HEATR4: variants seen among roughly 807,000 people sequenced by gnomAD.
HEATR4 encodes the protein HEAT repeat containing 4.
A neutral mutation model predicts 108.8 loss-of-function variants in HEATR4; 95 were observed. The observed-to-expected ratio is 0.87, with a 90% CI of 0.74 to 1.04. HEATR4 has a LOEUF of 1.04. Ranked by LOEUF, HEATR4 falls within the 50% of genes least tolerant of loss-of-function variation. The probability of loss-of-function intolerance (pLI) is 0.00; values close to 1 mark genes in which losing one functional copy is unlikely to be tolerated. For missense variants in HEATR4, 1,152 were observed against 1,253.8 expected, an observed-to-expected ratio of 0.92 and a Z score of 1.23; for synonymous variants, 443 against 459.4, an observed-to-expected ratio of 0.96 and a Z score of 0.46.
chr14:73,551,340 A>C (rs1205276071), intron 1 of HEATR4, among the ~76,000 whole-genome samples: 1 of 114,854 alleles, frequency 8.7e-6, no homozygotes, highest in Non-Finnish European at 1.9e-5. Context: ...ACCCACTAGG[A>C]ATGTCAGGTG....
the HEATR4 span, among the ~76,000 whole-genome samples, chr14:73,583,119 G>A: frequency 3.3e-5 from 5 of 151,890 alleles, no homozygotes; most frequent in African/African-American, 4.8e-5. Flanking sequence ...CGAGGCGGGC[G>A]GATCACGAGG....
intron 1 of HEATR4, among the ~76,000 whole-genome samples, chr14:73,536,344 G>C (rs1888861241): frequency 9.1e-6 from 1 of 110,008 alleles, no homozygotes. Context: ...AATAGCCTAT[G>C]AAAAAGTAGA....
intron 12 of HEATR4, 55 bp from the exon 13 acceptor site, chr14:73,499,195 A>G (rs1404346425): frequency 6.6e-7 from 1 of 1,508,152 alleles, no homozygotes; most frequent in Non-Finnish European, 9.2e-7. Context: ...AATGAACCAG[A>G]AACAGCTGGG....
chr14:73,548,587 C>T lies in HEATR4; in HGVS notation c.-152+10164G>A, dbSNP rs187173812. Among the ~76,000 whole-genome samples, 12 of 114,968 alleles carry T rather than the reference C, an allele frequency of 1.0e-4. 2 individuals are homozygous for T. The highest frequency in any genetic ancestry group is 3.1e-4 in the African/African-American group (11 of 35,516). 75.4% of individuals were successfully genotyped at this position (114,968 alleles called of 152,430 possible). The stretch of plus-strand genomic sequence containing the variant: ...TAGGTAAATACATGTGCATAAGGCA[C>T]GGAAGCACAGAATGGGAAAAGAAAG... On this transcript the variant is annotated intron_variant, in intron 1 of 17. Coordinates refer to ENST00000553558, the MANE Select transcript of HEATR4 (RefSeq NM_001220484.1).
At chr14:73,585,651 T>C in the HEATR4 span, among the ~76,000 whole-genome samples, 5 of 151,856 alleles carry the variant, frequency 3.3e-5, no homozygotes, top group South Asian at 1.0e-3. Flanking sequence ...ATCGCACCAC[T>C]GCATTCCAGC....
chr14:73,500,340 C>T (rs1232680074), intron 12 of HEATR4, among the ~76,000 whole-genome samples: 11 of 151,146 alleles, frequency 7.3e-5, no homozygotes, highest in African/African-American at 2.7e-4. Context: ...ATATGTGGCC[C>T]AAGACAATTC....
chr14:73,591,812 A>G, the HEATR4 span: 1 of 702,500 alleles, frequency 1.4e-6, no homozygotes, highest in Non-Finnish European at 2.1e-6. Context: ...AACCGGTCTG[A>G]AGTCCCAGGG....
At chr14:73,618,863 G>A in the HEATR4 span, among the ~76,000 whole-genome samples, 10 of 152,204 alleles carry the variant, frequency 6.6e-5, no homozygotes, top group Non-Finnish European at 1.3e-4. Context: ...GGGCACGGTG[G>A]CTCATGCCTA....
intron 9 of HEATR4, among the ~76,000 whole-genome samples, chr14:73,506,804 G>GTTTTTTTTGTTTTTTTTTTTTT: frequency 1.2e-5 from 1 of 80,492 alleles, no homozygotes; most frequent in East Asian, 5.8e-4. Flanking sequence ...GACTTTAACT[G>GTTTTTTTTGTTTTTTTTTTTTT]TTTTTTTTTT....
intron 1 of HEATR4, 122 bp downstream of exon 1, chr14:73,558,629 T>G (rs977333301): frequency 2.0e-5 from 3 of 149,836 alleles, no homozygotes; most frequent in Admixed American, 1.4e-4. Context: ...ATGCTGGGAA[T>G]ACAGGCATGA....
chr14:73,613,914 GCA>G, the HEATR4 span, among the ~76,000 whole-genome samples: 2 of 151,378 alleles, frequency 1.3e-5, no homozygotes, highest in Non-Finnish European at 2.9e-5. Flanking sequence ...GATGAGCCGG[GCA>G]CAGTGGCTCA....
chr14:73,516,803 C>T (rs1014171902), intron 5 of HEATR4, among the ~76,000 whole-genome samples: 6 of 152,178 alleles, frequency 3.9e-5, no homozygotes, highest in Non-Finnish European at 7.3e-5. Context: ...GTGAACTGCA[C>T]ATGTGAGGGG....
chr14:73,622,325 C>A, the HEATR4 span, among the ~76,000 whole-genome samples: 1 of 152,124 alleles, frequency 6.6e-6, no homozygotes, highest in Non-Finnish European at 1.5e-5. Context: ...ACAGATAAAG[C>A]AACCTAGAAA....
chr14:73,608,644 C>A, the HEATR4 span, among the ~76,000 whole-genome samples: 1 of 152,098 alleles, frequency 6.6e-6, no homozygotes, highest in Admixed American at 6.5e-5. Flanking sequence ...ACGGTGCCAA[C>A]TGCTGCCTGT....
chr14:73,480,454 T>A (rs1381597497), intron 17 of HEATR4, among the ~76,000 whole-genome samples: 2 of 152,118 alleles, frequency 1.3e-5, no homozygotes, highest in Non-Finnish European at 2.9e-5. Context: ...TAAAAAAAGA[T>A]TAATCAATTA....
chr14:73,569,497 G>T, the HEATR4 span: 2 of 1,611,674 alleles, frequency 1.2e-6, no homozygotes, highest in South Asian at 2.2e-5. Context: ...ATCGCCGTGC[G>T]CGGCCTAGCC....
intron 10 of HEATR4, among the ~76,000 whole-genome samples, chr14:73,503,409 C>G (rs1242926667): frequency 6.6e-6 from 1 of 152,160 alleles, no homozygotes; most frequent in Non-Finnish European, 1.5e-5. Flanking sequence ...GGTTTTGGTC[C>G]TGAAAGTCCC....
chr14:73,608,809 C>G, the HEATR4 span, among the ~76,000 whole-genome samples: 1 of 152,208 alleles, frequency 6.6e-6, no homozygotes, highest in East Asian at 1.9e-4. Flanking sequence ...ATTTAATTGA[C>G]TCACAGTTCA....
chr14:73,491,018 A>G (rs754632995), intron 17 of HEATR4: 5 of 1,497,012 alleles, frequency 3.3e-6, no homozygotes, highest in Non-Finnish European at 4.5e-6. Context: ...TGGTCTGGCC[A>G]TGGATGGGCT....
Sources: allele counts gnomAD v4.1 joint callset (sites outside exome capture counted in the v4.1 genomes callset), GRCh38; gene constraint gnomAD v4.1.1; transcripts MANE v1.5; gene names NCBI Gene and HGNC (gene_info 2026-07-23, HGNC 2026-07-21).